Variants in CCDC171 observed in about 807,000 individuals in gnomAD.
CCDC171 encodes coiled-coil domain-containing protein 171.
CCDC171 carries 177 observed loss-of-function variants against 168.2 expected under a neutral mutation model. That is an observed-to-expected ratio of 1.05 (90% confidence interval 0.93 to 1.19). CCDC171 has a LOEUF of 1.19. CCDC171 is among the 50% of genes most tolerant of loss of function. The pLI, the probability that CCDC171 is intolerant of heterozygous loss-of-function variation, is 0.00. For missense variants in CCDC171, 1,991 were observed against 1,539.0 expected, an observed-to-expected ratio of 1.29 and a Z score of -4.91; for synonymous variants, 687 against 540.8, an observed-to-expected ratio of 1.27 and a Z score of -3.75.
intron 21 of CCDC171, among the ~76,000 whole-genome samples, chr9:15,839,288 C>T (rs551389903): frequency 2.0e-5 from 3 of 152,080 alleles, no homozygotes; most frequent in Admixed American, 6.5e-5. Flanking sequence ...AAGTACCTTA[C>T]TAACTTTATG....
intron 6 of CCDC171, among the ~76,000 whole-genome samples, chr9:15,597,142 T>C (rs1397641138): frequency 6.6e-6 from 1 of 151,986 alleles, no homozygotes. Context: ...TTTATTTCCT[T>C]CTCCTGCCCG....
At chr9:15,884,909 CTTTTGGAGGT>C (rs1459325508) in intron 24 of CCDC171, among the ~76,000 whole-genome samples, 1 of 152,130 alleles carries the variant, frequency 6.6e-6, no homozygotes, top group African/African-American at 2.4e-5. Flanking sequence ...AGTGTTTTGA[CTTTTGGAGGT>C]TTTTGATTGA....
At chr9:15,935,232 G>A (rs1826977427) in intron 25 of CCDC171, among the ~76,000 whole-genome samples, 1 of 151,974 alleles carries the variant, frequency 6.6e-6, no homozygotes, top group Non-Finnish European at 1.5e-5. Context: ...CAGGTAGATT[G>A]TTGCTTACAC....
At chr9:15,993,488 A>T (rs1258294052) in intron 3 of CCDC171, among the ~76,000 whole-genome samples, 2 of 152,174 alleles carry the variant, frequency 1.3e-5, no homozygotes, top group African/African-American at 4.8e-5. Flanking sequence ...ACCCATAAAA[A>T]CCCTAGAAAA....
chr9:15,982,199 A>G (rs950076544), intron 3 of CCDC171, among the ~76,000 whole-genome samples: 1 of 148,896 alleles, frequency 6.7e-6, no homozygotes, highest in Non-Finnish European at 1.5e-5. Context: ...TAGCACAGAC[A>G]TAGCCTTCAT....
At chr9:15,890,604 A>C (rs955704644) in intron 24 of CCDC171, among the ~76,000 whole-genome samples, 3 of 149,384 alleles carry the variant, frequency 2.0e-5, no homozygotes, top group Non-Finnish European at 4.4e-5. Flanking sequence ...ATTTCATGGC[A>C]CTCTTATTAT....
intron 25 of CCDC171, among the ~76,000 whole-genome samples, chr9:15,969,472 G>A (rs3008748): frequency 0.51 from 77,088 of 151,952 alleles, 21,037 homozygotes; most frequent in African/African-American, 0.72. Context: ...TGGTTGGTCA[G>A]TTTGGCATAG....
At chr9:15,942,226 T>C (rs1325543090) in intron 25 of CCDC171, among the ~76,000 whole-genome samples, 1 of 151,974 alleles carries the variant, frequency 6.6e-6, no homozygotes, top group Non-Finnish European at 1.5e-5. Flanking sequence ...CTAATACTGG[T>C]AGATAACAAA....
At chr9:15,954,721 C>T (rs1346574975) in intron 25 of CCDC171, among the ~76,000 whole-genome samples, 1 of 150,164 alleles carries the variant, frequency 6.7e-6, no homozygotes, top group Non-Finnish European at 1.5e-5. Flanking sequence ...GTGAATTTTT[C>T]ATTTCAGTCA....
chr9:15,736,744 C>T (rs969474338), intron 16 of CCDC171, among the ~76,000 whole-genome samples: 3 of 151,044 alleles, frequency 2.0e-5, no homozygotes, highest in Non-Finnish European at 2.9e-5. Flanking sequence ...GCTGCAGTCT[C>T]GGCTCACTGC....
intron 25 of CCDC171, among the ~76,000 whole-genome samples, chr9:15,949,975 G>A (rs1421869269): frequency 1.3e-5 from 2 of 152,074 alleles, no homozygotes; most frequent in East Asian, 1.9e-4. Flanking sequence ...TTTGAGATAC[G>A]TCCCATCAAT....
chr9:15,576,134 TGTGTG>T (rs894676846), intron 3 of CCDC171, among the ~76,000 whole-genome samples: 30 of 32,156 alleles, frequency 9.3e-4, no homozygotes, highest in Non-Finnish European at 7.2e-4. Flanking sequence ...ATATTTCAGT[TGTGTG>T]TGTGTGTGTG....
chr9:15,997,904 TC>T (rs1357846482), intron 3 of CCDC171, among the ~76,000 whole-genome samples: 2 of 152,102 alleles, frequency 1.3e-5, no homozygotes, highest in African/African-American at 2.4e-5. Flanking sequence ...AATCTCTACC[TC>T]CCTCTGATGA....
At chr9:15,623,018 A>G (rs192748186) in intron 6 of CCDC171, among the ~76,000 whole-genome samples, 1 of 152,362 alleles carries the variant, frequency 6.6e-6, no homozygotes, top group African/African-American at 2.4e-5. Flanking sequence ...TAACTTTCTC[A>G]TATGCTATAA....
intron 3 of CCDC171, among the ~76,000 whole-genome samples, chr9:15,988,633 C>T (rs923132748): frequency 5.3e-5 from 8 of 152,196 alleles, no homozygotes; most frequent in Admixed American, 1.3e-4. Flanking sequence ...GGCGAGGCAT[C>T]GCCTCACCCG....
At chr9:15,672,970 A>G (rs1470966111) in intron 9 of CCDC171, among the ~76,000 whole-genome samples, 2 of 152,164 alleles carry the variant, frequency 1.3e-5, no homozygotes, top group Non-Finnish European at 2.9e-5. Flanking sequence ...CATGATATTG[A>G]TTCTTCCTAT....
At chr9:16,049,644 C>T (rs918407510) in intron 1 of CCDC171, among the ~76,000 whole-genome samples, 1 of 152,122 alleles carries the variant, frequency 6.6e-6, no homozygotes, top group Non-Finnish European at 1.5e-5. Context: ...GAGAGATACA[C>T]CATCTGCTTT....
chr9:15,931,802 G>C (rs955099506), intron 25 of CCDC171, among the ~76,000 whole-genome samples: 2 of 151,654 alleles, frequency 1.3e-5, no homozygotes, highest in Admixed American at 6.6e-5. Context: ...TTTGGATATG[G>C]TAAGAGGTAG....
intron 3 of CCDC171, among the ~76,000 whole-genome samples, chr9:15,575,666 C>A (rs1161922165): frequency 6.6e-6 from 1 of 152,198 alleles, no homozygotes; most frequent in Non-Finnish European, 1.5e-5. Context: ...TAACCTCTAA[C>A]TGATATTAAG....
Sources: gnomAD v4.1 joint callset for allele counts (sites outside exome capture counted in the v4.1 genomes callset) on GRCh38, gnomAD v4.1.1 for gene constraint, MANE v1.5 for transcripts, NCBI Gene and HGNC (gene_info 2026-07-23, HGNC 2026-07-21) for gene names.